MSI2: variants seen among roughly 807,000 people sequenced by gnomAD.
The protein encoded by MSI2 is RNA-binding protein Musashi homolog 2.
MSI2 carries 17 observed loss-of-function variants against 45.6 expected under a neutral mutation model. The observed-to-expected ratio is 0.37, with a 90% CI of 0.26 to 0.56. The LOEUF (loss-of-function observed/expected upper bound fraction) is 0.56. Among genes scored for constraint, MSI2 ranks in the 20% least tolerant of loss-of-function variants. The pLI, the probability that MSI2 is intolerant of heterozygous loss-of-function variation, is 0.77. For synonymous variants in MSI2, 156 were observed against 158.2 expected, an observed-to-expected ratio of 0.99 and a Z score of 0.11; for missense variants, 293 against 444.2, an observed-to-expected ratio of 0.66 and a Z score of 3.06.
intron 7 of MSI2, among the ~76,000 whole-genome samples, chr17:57,584,741 C>T (rs770598383): frequency 1.5e-4 from 22 of 151,296 alleles, no homozygotes; most frequent in Middle Eastern, 3.2e-3. Flanking sequence ...CCAGCATGCC[C>T]GCACCCTGCA....
chr17:57,456,215 G>A (rs1031549543), intron 6 of MSI2, among the ~76,000 whole-genome samples: 7 of 152,202 alleles, frequency 4.6e-5, no homozygotes, highest in Non-Finnish European at 8.8e-5. Flanking sequence ...CAGGGAACTC[G>A]GGGTGCACAC....
At chr17:57,497,074 T>C (rs2085994137) in intron 6 of MSI2, among the ~76,000 whole-genome samples, 1 of 151,914 alleles carries the variant, frequency 6.6e-6, no homozygotes, top group Non-Finnish European at 1.5e-5. Context: ...GCCTCCCGAG[T>C]TCAAGCGATT....
chr17:57,402,475 A>C (rs1310738252), intron 6 of MSI2, among the ~76,000 whole-genome samples: 1 of 152,186 alleles, frequency 6.6e-6, no homozygotes, highest in African/African-American at 2.4e-5. Flanking sequence ...GCCCGTGCTA[A>C]GCTCCATCAC....
At chr17:57,575,147 T>TCCCCCCCCCCCCCCCCCC (rs371180511) in intron 7 of MSI2, among the ~76,000 whole-genome samples, 9 of 119,544 alleles carry the variant, frequency 7.5e-5, no homozygotes, top group African/African-American at 1.4e-4. Context: ...CTTTTTTAAC[T>TCCCCCCCCCCCCCCCCCC]CCCTCCCCCC....
chr17:57,379,782 G>A (rs1274936356), intron 5 of MSI2, among the ~76,000 whole-genome samples: 1 of 150,090 alleles, frequency 6.7e-6, no homozygotes, highest in East Asian at 2.1e-4. Flanking sequence ...TTCAGCACCC[G>A]GTCAGCTCTT....
rs147185879 is a variant in MSI2 at position 57,408,179 on chromosome 17, A to G, written c.405+6708A>G. ...GAGCACCCTAACGTTACTTCTCTTA[A>G]ATTTTCGTATTTTTGCTTCAAAAAG... On this transcript the variant is annotated intron_variant, in intron 6 of 13. Coordinates refer to ENST00000284073, the MANE Select transcript of MSI2 (RefSeq NM_138962.4). Among the ~76,000 whole-genome samples, 271 of 152,318 alleles carry G rather than the reference A, an allele frequency of 1.8e-3. 2 individuals are homozygous for G. Among genetic ancestry groups the G allele is most frequent in the Admixed American group, 0.01 (154 of 15,300 alleles).
rs1958402777 is a variant in MSI2 at position 57,257,144 on chromosome 17, G to A, written c.103+6G>A. The stretch of plus-strand genomic sequence containing the variant: ...GAGCTGGCAGACCTCACCAGGTAAG[G>A]GAGGGAGGGGGGGACGCCTGGGTCC... On this transcript the variant is annotated splice_donor_region_variant and intron_variant, in intron 2 of 13. Coordinates refer to ENST00000284073, the MANE Select transcript of MSI2 (RefSeq NM_138962.4). 1 of 1,575,296 alleles carries A rather than the reference G, an allele frequency of 6.3e-7. No individual in the cohort carries two copies.
chr17:57,483,327 T>A (rs1005713983), intron 6 of MSI2, among the ~76,000 whole-genome samples: 6 of 151,970 alleles, frequency 3.9e-5, no homozygotes, highest in African/African-American at 1.5e-4. Flanking sequence ...GCTAAGGAAG[T>A]GTTCATGGGG....
At chr17:57,504,235 C>T (rs2086178982) in intron 6 of MSI2, among the ~76,000 whole-genome samples, 1 of 152,200 alleles carries the variant, frequency 6.6e-6, no homozygotes, top group African/African-American at 2.4e-5. Context: ...ATCCAGCCTC[C>T]TTGTTGCTAG....
intron 5 of MSI2, among the ~76,000 whole-genome samples, chr17:57,355,547 T>G (rs1016074877): frequency 1.3e-5 from 2 of 152,232 alleles, no homozygotes; most frequent in African/African-American, 2.4e-5. Context: ...AAAACTCAAG[T>G]GGAACTGGTG....
At chr17:57,656,948 A>G (rs1036693476) in intron 11 of MSI2, among the ~76,000 whole-genome samples, 1 of 152,278 alleles carries the variant, frequency 6.6e-6, no homozygotes, top group Non-Finnish European at 1.5e-5. Flanking sequence ...TTACGTGTTG[A>G]TGCTGAGTGA....
In MSI2 at chr17:57,653,936, AT is replaced by A. The variant is rs35452889; in HGVS notation, c.790+1790del. 6.2e-3 allele frequency among the ~76,000 whole-genome samples: 831 copies of A among 133,684 alleles called. 6 individuals are homozygous for A. The highest frequency in any genetic ancestry group is 0.019 in the East Asian group (86 of 4,546). The allele number at this position is 133,684 out of a possible 152,430, so 87.7% of individuals were successfully genotyped here. On this transcript the variant is annotated intron_variant, in intron 11 of 13. Transcript: ENST00000284073. Reference sequence around the variant, plus strand: ...CCCCCAAGGTCATCTCCAGTCACACATTTTTTTTTTTTTTTCGGGATCAATG... The same window carrying A: ...CCCCCAAGGTCATCTCCAGTCACACATTTTTTTTTTTTTTCGGGATCAATG...
chr17:57,340,131 A>G (rs1353620293), intron 5 of MSI2, among the ~76,000 whole-genome samples: 1 of 152,158 alleles, frequency 6.6e-6, no homozygotes, highest in Non-Finnish European at 1.5e-5. Flanking sequence ...TAACTCCATG[A>G]TGTCTCATTT....
chr17:57,413,728 C>G (rs1019294473), intron 6 of MSI2, among the ~76,000 whole-genome samples: 2 of 151,664 alleles, frequency 1.3e-5, no homozygotes, highest in African/African-American at 2.4e-5. Flanking sequence ...AAATTTATAG[C>G]AAATATTAAG....
chr17:57,351,324 C>G (rs1290800520), intron 5 of MSI2, among the ~76,000 whole-genome samples: 3 of 152,056 alleles, frequency 2.0e-5, no homozygotes, highest in East Asian at 1.9e-4. Context: ...CCAGTATTCC[C>G]AGGGCCCATC....
intron 5 of MSI2, among the ~76,000 whole-genome samples, chr17:57,367,778 G>A (rs1166730362): frequency 6.6e-6 from 1 of 152,176 alleles, no homozygotes; most frequent in Non-Finnish European, 1.5e-5. Flanking sequence ...GCTTCACTCC[G>A]GGAGAGAGGG....
At chr17:57,351,882 C>T (rs1475014360) in intron 5 of MSI2, among the ~76,000 whole-genome samples, 1 of 151,974 alleles carries the variant, frequency 6.6e-6, no homozygotes, top group African/African-American at 2.4e-5. Flanking sequence ...ACAAACAGCC[C>T]CAAAAAACCA....
At chr17:57,651,032 C>G (rs1167612846) in intron 10 of MSI2, among the ~76,000 whole-genome samples, 2 of 152,286 alleles carry the variant, frequency 1.3e-5, no homozygotes, top group East Asian at 3.9e-4. Context: ...GGTCAGGCCT[C>G]CAAGCATCTG....
chr17:57,275,664 A>G (rs1264678534), intron 5 of MSI2, among the ~76,000 whole-genome samples: 1 of 152,178 alleles, frequency 6.6e-6, no homozygotes, highest in South Asian at 2.1e-4. Context: ...GGGAACGGGG[A>G]ACAAGATCAT....
Sources: allele counts gnomAD v4.1 joint callset (sites outside exome capture counted in the v4.1 genomes callset), GRCh38; gene constraint gnomAD v4.1.1; transcripts MANE v1.5; gene names NCBI Gene and HGNC (gene_info 2026-07-23, HGNC 2026-07-21).